The following BCAR3 variants were observed in gnomAD, a reference collection of about 807,000 sequenced individuals.
The protein encoded by BCAR3 is breast cancer anti-estrogen resistance protein 3.
BCAR3 carries 37 observed loss-of-function variants against 80.1 expected under a neutral mutation model. The observed-to-expected ratio is 0.46, with a 90% CI of 0.36 to 0.61. The LOEUF is 0.61. BCAR3 is among the 20% of genes least tolerant of loss of function. BCAR3 has a pLI of 0.00. For missense variants in BCAR3, 978 were observed against 1,068.2 expected, an observed-to-expected ratio of 0.92 and a Z score of 1.18; for synonymous variants, 389 against 418.9, an observed-to-expected ratio of 0.93 and a Z score of 0.87.
chr1:93,580,479 T>C (rs1297465542), intron 7 of BCAR3, among the ~76,000 whole-genome samples: 1 of 147,142 alleles, frequency 6.8e-6, no homozygotes, highest in Non-Finnish European at 1.5e-5. Flanking sequence ...TCTGCAACAG[T>C]AGATTCAACC....
intron 2 of BCAR3, among the ~76,000 whole-genome samples, chr1:93,810,682 T>A (rs139351842): frequency 6.6e-6 from 1 of 152,198 alleles, no homozygotes; most frequent in Non-Finnish European, 1.5e-5. Flanking sequence ...CGTGCCCAGA[T>A]AGTACTGGCT....
intron 2 of BCAR3, among the ~76,000 whole-genome samples, chr1:93,776,640 T>C (rs1422269469): frequency 6.6e-6 from 1 of 152,236 alleles, no homozygotes; most frequent in Admixed American, 6.5e-5. Flanking sequence ...ATTAGTCCTG[T>C]AGAGTTTCCC....
At chr1:93,703,394 C>G (rs1649714012) in intron 3 of BCAR3, among the ~76,000 whole-genome samples, 1 of 151,974 alleles carries the variant, frequency 6.6e-6, no homozygotes, top group Non-Finnish European at 1.5e-5. Context: ...GGAAACAAAG[C>G]AAGACTCTGT....
intron 2 of BCAR3, among the ~76,000 whole-genome samples, chr1:93,734,178 A>G (rs185451678): frequency 5.9e-5 from 9 of 152,372 alleles, no homozygotes; most frequent in African/African-American, 1.9e-4. Context: ...TTTGTGAAGT[A>G]TGCAAGAGTA....
chr1:93,775,470 T>C (rs1652513908), intron 2 of BCAR3: 1 of 151,906 alleles, frequency 6.6e-6, no homozygotes, highest in Admixed American at 6.6e-5. Flanking sequence ...GTCCAGGAGG[T>C]TTGTTGTGTG....
chr1:93,610,174 T>TG (rs1674907737), intron 3 of BCAR3, among the ~76,000 whole-genome samples: 1 of 152,202 alleles, frequency 6.6e-6, no homozygotes, highest in Non-Finnish European at 1.5e-5. Context: ...TGAAAGCCAA[T>TG]GGGGAAATGT....
chr1:93,593,072 C>CAGTG (rs1334694344), intron 3 of BCAR3, among the ~76,000 whole-genome samples: 7 of 152,194 alleles, frequency 4.6e-5, no homozygotes, highest in Non-Finnish European at 8.8e-5. Context: ...GTTTGAGAAT[C>CAGTG]AGTGGTCTGC....
intron 2 of BCAR3, among the ~76,000 whole-genome samples, chr1:93,800,252 C>T (rs1437431819): frequency 6.6e-6 from 1 of 151,920 alleles, no homozygotes; most frequent in Non-Finnish European, 1.5e-5. Context: ...TGATTCAGAC[C>T]ATAAATAATT....
rs1553165513 is a variant in BCAR3, at chr1:93,681,712, T to TGGGGACGCTCATGGTCC, written c.-143_-127dup. 6.6e-6 allele frequency: 1 copy of TGGGGACGCTCATGGTCC among 151,626 alleles called. No homozygotes were observed. Among genetic ancestry groups the TGGGGACGCTCATGGTCC allele is most frequent in the African/African-American group, 2.4e-5 (1 of 41,306 alleles). The allele number at this position is 151,626 out of a possible 1,614,324, so 9.4% of individuals were successfully genotyped here. ...CCCGCGCCGCGGCTGCTCCCGGAGC[T>TGGGGACGCTCATGGTCC]GGGGACGCTCATGGTCCGCGGGGCG... On this transcript the variant is annotated 5_prime_UTR_variant, in exon 1 of 12. In the 5' UTR this introduces an upstream ATG that the reference lacks. Transcript: ENST00000260502.
intron 2 of BCAR3, among the ~76,000 whole-genome samples, chr1:93,664,687 G>A (rs1647818473): frequency 6.6e-6 from 1 of 152,180 alleles, no homozygotes; most frequent in Admixed American, 6.5e-5. Context: ...GTGACAGCAT[G>A]AAGCTAAAAG....
chr1:93,719,577 C>T (rs933309588), intron 2 of BCAR3, among the ~76,000 whole-genome samples: 5 of 151,862 alleles, frequency 3.3e-5, no homozygotes, highest in African/African-American at 9.7e-5. Flanking sequence ...CTCCTGACCT[C>T]GTGATCTGCC....
At chr1:93,617,038 C>A (rs1675149206) in intron 3 of BCAR3, among the ~76,000 whole-genome samples, 1 of 152,232 alleles carries the variant, frequency 6.6e-6, no homozygotes, top group Non-Finnish European at 1.5e-5. Context: ...CGGAGGAAGA[C>A]CCCTGCATAA....
chr1:93,740,198 G>T (rs1174004363), intron 2 of BCAR3, among the ~76,000 whole-genome samples: 1 of 152,232 alleles, frequency 6.6e-6, no homozygotes, highest in Non-Finnish European at 1.5e-5. Flanking sequence ...GCTGCTCATG[G>T]TGACACCAAA....
At chr1:93,837,801 C>T (rs1182219219) in intron 2 of BCAR3, among the ~76,000 whole-genome samples, 2 of 152,202 alleles carry the variant, frequency 1.3e-5, no homozygotes, top group Non-Finnish European at 2.9e-5. Context: ...AGTGTGGGTA[C>T]CAGCCCAGCA....
chr1:93,659,601 G>C (rs1647557123), intron 2 of BCAR3, among the ~76,000 whole-genome samples: 1 of 151,802 alleles, frequency 6.6e-6, no homozygotes, highest in Non-Finnish European at 1.5e-5. Flanking sequence ...GTATAATAAT[G>C]TTCTATTAGA....
intron 2 of BCAR3, among the ~76,000 whole-genome samples, chr1:93,731,292 CCAG>C (rs1433863759): frequency 6.6e-6 from 1 of 152,148 alleles, no homozygotes; most frequent in East Asian, 1.9e-4. Context: ...GTATAATGTA[CCAG>C]TATTGGTTTC....
At chr1:93,618,944 T>TG (rs1557862767) in intron 3 of BCAR3, among the ~76,000 whole-genome samples, 26 of 150,682 alleles carry the variant, frequency 1.7e-4, no homozygotes, top group African/African-American at 2.4e-4. Context: ...TTTTTGTTTT[T>TG]TTTTTTTTAA....
intron 3 of BCAR3, among the ~76,000 whole-genome samples, chr1:93,615,172 A>C (rs1271677343): frequency 6.6e-6 from 1 of 152,174 alleles, no homozygotes; most frequent in Non-Finnish European, 1.5e-5. Flanking sequence ...ATGAGGAAGA[A>C]ACAAGATCTA....
At chr1:93,589,501 G>A in intron 4 of BCAR3, 82 bp from the exon 5 acceptor site, 1 of 1,232,956 alleles carries the variant, frequency 8.1e-7, no homozygotes, top group Non-Finnish European at 1.1e-6. Context: ...CACTTCTCTG[G>A]GCCAACAGAA....
Sources: allele counts gnomAD v4.1 joint callset (sites outside exome capture counted in the v4.1 genomes callset), GRCh38; gene constraint gnomAD v4.1.1; transcripts MANE v1.5; gene names NCBI Gene and HGNC (gene_info 2026-07-23, HGNC 2026-07-21).